Variants in RAD51 observed in about 807,000 individuals in gnomAD.
RAD51 encodes RAD51 recombinase.
In RAD51, 14 loss-of-function variants were observed where a neutral mutation model predicts 41.5. The ratio of observed to expected loss-of-function variants is 0.34; its 90% CI spans 0.22 to 0.53. RAD51 has a LOEUF of 0.53. Among genes scored for constraint, RAD51 ranks in the 20% least tolerant of loss-of-function variants. RAD51 has a pLI of 0.95. For missense variants in RAD51, 234 were observed against 422.0 expected (o/e 0.55, Z 3.90); for synonymous variants, 136 against 148.6 (o/e 0.92, Z 0.62).
rs567250709 is a variant in RAD51, at chr15:40,708,794, G to A, written c.344-231G>A. Among the ~76,000 whole-genome samples, 12 of 152,034 alleles carry A rather than the reference G, an allele frequency of 7.9e-5. No individual in the cohort carries two copies. In the South Asian group the frequency reaches 1.9e-3, roughly 24 times the overall value. On this transcript the variant is annotated intron_variant, in intron 4 of 9. Coordinates refer to ENST00000267868, the MANE Select transcript of RAD51 (RefSeq NM_002875.5). ...TCACCATGTTGCCCAGGCTGGTCTC[G>A]AACTCCTGAACTCAAGCAATCCACC...
intron 5 of RAD51, among the ~76,000 whole-genome samples, chr15:40,710,125 C>T (rs1389356099): frequency 6.6e-6 from 1 of 151,372 alleles, no homozygotes; most frequent in African/African-American, 2.4e-5. Context: ...GCCTGTAGTC[C>T]CAGCTACTTG....
At chr15:40,715,647 A>G (rs1254285086) in intron 5 of RAD51, among the ~76,000 whole-genome samples, 1 of 152,186 alleles carries the variant, frequency 6.6e-6, no homozygotes, top group Non-Finnish European at 1.5e-5. Flanking sequence ...AGGGCCAAAT[A>G]AGCTGGAGAA....
Position 40,715,912 on chromosome 15 carries a change from C to G in RAD51, c.436-2893C>G, listed in dbSNP as rs57721656. Among the ~76,000 whole-genome samples, 414 of 152,342 alleles carry G rather than the reference C, an allele frequency of 2.7e-3. 2 individuals are homozygous for G. Among genetic ancestry groups the G allele is most frequent in the African/African-American group, 9.8e-3 (406 of 41,576 alleles). ...TTTCCTCCTCTCCAAGAAACTGAGG[C>G]AGATTCTGCTCTCTGTCCTCTTGGC... On this transcript the variant is annotated intron_variant, in intron 5 of 9. Transcript: ENST00000267868.
rs1650957264 is a variant in RAD51 at position 40,731,831 on chromosome 15, C to T, written c.*653C>T. 4.7e-6 allele frequency: 1 copy of T among 211,750 alleles called. No individual in the cohort carries two copies. Among genetic ancestry groups the T allele is most frequent in the African/African-American group, 2.3e-5 (1 of 44,120 alleles). 13.1% of individuals were successfully genotyped at this position (211,750 alleles called of 1,614,324 possible). A position where few individuals can be genotyped will look rare whatever the true frequency, so the allele number is the denominator to read the frequency against. On this transcript the variant is annotated 3_prime_UTR_variant, in exon 10 of 10. Coordinates refer to ENST00000267868, the MANE Select transcript of RAD51 (RefSeq NM_002875.5). ...TGGTGTCTTGCGCCTGTACTCCCAG[C>T]ACTTTGGGAGGCCGAGGCAGGTGGA...
At chr15:40,730,082 G>GAC in intron 9 of RAD51, 108 bp downstream of exon 9, 1 of 1,429,548 alleles carries the variant, frequency 7.0e-7, no homozygotes, top group Non-Finnish European at 9.7e-7. Flanking sequence ...CTGTTGTATA[G>GAC]ACACTTAGGA....
intron 9 of RAD51, 127 bp downstream of exon 9, chr15:40,730,101 T>C: frequency 7.7e-7 from 1 of 1,301,164 alleles, no homozygotes; most frequent in Non-Finnish European, 1.1e-6. Context: ...GAACTCTTGC[T>C]AATCTAATTA....
intron 1 of RAD51, among the ~76,000 whole-genome samples, chr15:40,698,385 C>T (rs913566684): frequency 2.6e-5 from 4 of 151,688 alleles, no homozygotes; most frequent in African/African-American, 7.3e-5. Flanking sequence ...GACGGGGTTT[C>T]GCATGTTGGC....
intron 4 of RAD51, among the ~76,000 whole-genome samples, chr15:40,707,304 AG>A (rs1421093442): frequency 1.5e-5 from 2 of 130,424 alleles, no homozygotes; most frequent in Non-Finnish European, 3.2e-5. Context: ...GCCCAATGTC[AG>A]TTTTCTTTCC....
intron 4 of RAD51, among the ~76,000 whole-genome samples, chr15:40,708,014 C>G (rs1383703290): frequency 8.6e-6 from 1 of 115,914 alleles, no homozygotes; most frequent in Non-Finnish European, 1.8e-5. Flanking sequence ...CTGTGCCCAG[C>G]TTTTTTTTTT....
rs1000081593 is a variant in RAD51, at chr15:40,695,216, C to T, written c.-212C>T. On this transcript the variant is annotated 5_prime_UTR_variant, in exon 1 of 10. Coordinates refer to ENST00000267868, the MANE Select transcript of RAD51 (RefSeq NM_002875.5). ...GCGGACCGCGCGCAGCGGCCAGAGA[C>T]CGAGCCCTAAGGAGAGTGCGGCGCT... 2 of 152,186 alleles carry T rather than the reference C, an allele frequency of 1.3e-5. No homozygotes were observed. Among genetic ancestry groups the T allele is most frequent in the African/African-American group, 2.4e-5 (1 of 41,370 alleles). 9.4% of individuals were successfully genotyped at this position (152,186 alleles called of 1,614,324 possible).
intron 4 of RAD51, among the ~76,000 whole-genome samples, chr15:40,708,630 C>A (rs1296567080): frequency 6.6e-6 from 1 of 152,172 alleles, no homozygotes. Context: ...GTCACCCAGG[C>A]TAGAGTGCAC....
intron 5 of RAD51, among the ~76,000 whole-genome samples, chr15:40,716,532 A>G (rs1258230421): frequency 1.3e-5 from 2 of 150,768 alleles, no homozygotes; most frequent in Non-Finnish European, 3.0e-5. Context: ...CGCCCCACTA[A>G]TTTTTGTATT....
At chr15:40,724,071 G>T (rs1567051583) in intron 6 of RAD51, among the ~76,000 whole-genome samples, 1 of 152,126 alleles carries the variant, frequency 6.6e-6, no homozygotes, top group African/African-American at 2.4e-5. Context: ...ATCTTTCCCA[G>T]CTTATAATTT....
chr15:40,726,338 G>A (rs1217199734), intron 6 of RAD51, among the ~76,000 whole-genome samples: 7 of 149,410 alleles, frequency 4.7e-5, no homozygotes, highest in Non-Finnish European at 8.9e-5. Flanking sequence ...TGCAACCTCC[G>A]CCTCTCGGGT....
In RAD51 at chr15:40,719,119, G is replaced by A. The variant is rs1453033766; in HGVS notation, c.530+220G>A. The stretch of plus-strand genomic sequence containing the variant: ...GTCACCCAGGCTAGAGTGCGGTGGC[G>A]TGATCTCAGGTCACTGCAACCTCTG... On this transcript the variant is annotated intron_variant, in intron 6 of 9. Transcript: ENST00000267868. Among the ~76,000 whole-genome samples, 10 of 150,556 alleles carry A rather than the reference G, an allele frequency of 6.6e-5. No homozygotes were observed. The South Asian group carries it at 1.0e-3, about 16-fold the overall frequency.
At position 40,718,785 on chromosome 15, in the gene RAD51, G is replaced by A; in HGVS notation, c.436-20G>A. On this transcript the variant is annotated intron_variant, in intron 5 of 9. Coordinates refer to ENST00000267868, the MANE Select transcript of RAD51 (RefSeq NM_002875.5). Reference sequence around the variant, plus strand: ...CAGAAATACAATGTTCATTTCTACTGTTGTTTTTGTTCTCTATAGCTTCCC... The same window carrying A: ...CAGAAATACAATGTTCATTTCTACTATTGTTTTTGTTCTCTATAGCTTCCC... The A allele has an allele frequency of 6.4e-7, 1 of 1,559,536 alleles. No individual in the cohort carries two copies. Among genetic ancestry groups the A allele is most frequent in the Non-Finnish European group, 8.8e-7 (1 of 1,130,628 alleles).
At chr15:40,703,780 G>T (rs1171918910) in intron 3 of RAD51, among the ~76,000 whole-genome samples, 1 of 151,474 alleles carries the variant, frequency 6.6e-6, no homozygotes, top group East Asian at 1.9e-4. Context: ...ACCAGCTTTT[G>T]GTTTCATTGA....
chr15:40,723,509 A>T (rs1341802559), intron 6 of RAD51, among the ~76,000 whole-genome samples: 3 of 152,230 alleles, frequency 2.0e-5, no homozygotes, highest in African/African-American at 7.2e-5. Flanking sequence ...GAACTTAAGT[A>T]CTGATACGTG....
rs1555427504 is a variant in RAD51 at position 40,710,269 on chromosome 15, A to AAAAAAAG, written c.435+1154_435+1155insAAAAAGA. Among the ~76,000 whole-genome samples the AAAAAAAG allele has an allele frequency of 7.7e-5, 8 of 104,362 alleles. 2 individuals carry two copies. The highest frequency in any genetic ancestry group is 2.5e-4 in the Admixed American group (2 of 8,072). 68.5% of individuals were successfully genotyped at this position (104,362 alleles called of 152,430 possible). A position where few individuals can be genotyped will look rare whatever the true frequency, so the allele number is the denominator to read the frequency against. ...AAAAAAAAAAAAAAAAAAAAAAAAA[A>AAAAAAAG]AGAAGAAGAAAAAAAAAAGATCAGG... is the stretch of plus-strand genomic sequence containing the variant. On this transcript the variant is annotated intron_variant, in intron 5 of 9. Coordinates refer to ENST00000267868, the MANE Select transcript of RAD51 (RefSeq NM_002875.5).
Sources: allele counts gnomAD v4.1 joint callset (sites outside exome capture counted in the v4.1 genomes callset), GRCh38; gene constraint gnomAD v4.1.1; transcripts MANE v1.5; gene names NCBI Gene and HGNC (gene_info 2026-07-23, HGNC 2026-07-21).